CCDC180: variants seen among roughly 807,000 people sequenced by gnomAD.
CCDC180 encodes coiled-coil domain-containing protein 180.
CCDC180 carries 154 observed loss-of-function variants against 209.2 expected under a neutral mutation model. That is an observed-to-expected ratio of 0.74 (90% CI 0.65 to 0.84). CCDC180 has a LOEUF of 0.84. Ranked by LOEUF, CCDC180 falls within the 40% of genes least tolerant of loss-of-function variation. The probability of loss-of-function intolerance (pLI) is 0.00; values close to 1 mark genes in which losing one functional copy is unlikely to be tolerated. For synonymous variants in CCDC180, 778 were observed against 749.1 expected, an observed-to-expected ratio of 1.04 and a Z score of -0.63; for missense variants, 1,874 against 1,997.3, an observed-to-expected ratio of 0.94 and a Z score of 1.18.
intron 22 of CCDC180, among the ~76,000 whole-genome samples, chr9:97,351,908 T>A (rs1826431244): frequency 6.6e-6 from 1 of 151,688 alleles, no homozygotes; most frequent in South Asian, 2.1e-4. Context: ...AGGTCAGGAG[T>A]TCGAGAGTAG....
At chr9:97,315,492 C>T (rs1262601671) in intron 8 of CCDC180, among the ~76,000 whole-genome samples, 1 of 152,206 alleles carries the variant, frequency 6.6e-6, no homozygotes, top group African/African-American at 2.4e-5. Context: ...CCCCTCCCCA[C>T]AGCTGCTTTC....
At chr9:97,374,458 C>G (rs1827186159) in intron 34 of CCDC180, 85 bp from the exon 35 acceptor site, 3 of 1,065,610 alleles carry the variant, frequency 2.8e-6, no homozygotes, top group Non-Finnish European at 4.1e-6. Context: ...CCAGTCCTCC[C>G]TTTTCTAAGT....
rs752036247 is a variant in CCDC180, at chr9:97,307,759, C to A, written c.-129C>A. On this transcript the variant is annotated 5_prime_UTR_variant, in exon 1 of 37. Transcript: ENST00000529487. ...AGAGTCCCTTCGGATTTGCGCCATG[C>A]GCGGCGGGGAGAACCGGCCTCCTGC... is the stretch of plus-strand genomic sequence containing the variant. 1 of 1,614,160 alleles carries A rather than the reference C, an allele frequency of 6.2e-7. No individual in the cohort carries two copies. The highest frequency in any genetic ancestry group is 1.1e-5 in the South Asian group (1 of 91,080).
chr9:97,325,726 A>G (rs571850362), intron 14 of CCDC180, among the ~76,000 whole-genome samples: 1 of 152,234 alleles, frequency 6.6e-6, no homozygotes, highest in African/African-American at 2.4e-5. Flanking sequence ...GTGATGGCAC[A>G]TAGGTCCCTG....
Position 97,307,713 on chromosome 9 carries a change from T to C in CCDC180, c.-175T>C, listed in dbSNP as rs1156912925. On this transcript the variant is annotated 5_prime_UTR_variant, in exon 1 of 37. Transcript: ENST00000529487. ...TGGCAGAGTGAAGCACAAGCAATAA[T>C]CCTGTATTATTCGCGTTCCCAGAGT... The C allele has an allele frequency of 1.2e-6, 2 of 1,611,064 alleles. No homozygotes were observed. Among genetic ancestry groups the C allele is most frequent in the African/African-American group, 2.7e-5 (2 of 74,848 alleles).
chr9:97,355,092 G>A (rs1826539874), intron 24 of CCDC180, 84 bp downstream of exon 24: 1 of 860,976 alleles, frequency 1.2e-6, no homozygotes, highest in Non-Finnish European at 2.0e-6. Flanking sequence ...GGAGGCCATT[G>A]TGGTCTCTGT....
At chr9:97,332,908 G>C (rs971600433) in intron 18 of CCDC180, among the ~76,000 whole-genome samples, 3 of 152,132 alleles carry the variant, frequency 2.0e-5, no homozygotes, top group African/African-American at 7.2e-5. Context: ...AATACTAGTT[G>C]AATAGGAGTG....
At chr9:97,321,003 A>G (rs570235300) in intron 11 of CCDC180, among the ~76,000 whole-genome samples, 1 of 152,162 alleles carries the variant, frequency 6.6e-6, no homozygotes, top group Non-Finnish European at 1.5e-5. Context: ...GTGCCTGGAT[A>G]CGTGGTGTGA....
rs778250599 is a variant in CCDC180, at chr9:97,343,482, T to C, written c.2417T>C (p.Met806Thr). The C allele has an allele frequency of 8.1e-6, 13 of 1,614,092 alleles. No individual in the cohort carries two copies. The African/African-American group carries it at 1.1e-4, about 13-fold the overall frequency. The change falls in exon 19 of 37, where the codon ATG becomes ACG. Residue 806 changes from methionine (M) to threonine (T), a missense_variant. By Grantham distance (81) the Met-to-Thr change is moderately conservative (BLOSUM62 -1). Transcript: ENST00000529487. Reference sequence around the variant, plus strand: ...AAGTCCCATTCCACCTTCTCAGCCATGTTCATCAACGACACTTCCAGTGCC... The same window carrying C: ...AAGTCCCATTCCACCTTCTCAGCCACGTTCATCAACGACACTTCCAGTGCC... Reference protein sequence around the residue: ...CRKSHSTFSAMFINDTSSAKF... With the variant: ...CRKSHSTFSATFINDTSSAKF...
chr9:97,364,121 G>A lies in CCDC180; in HGVS notation c.3973G>A (p.Ala1325Thr). ...YRVLGDKPPP[A>T]AEDFKGIILT... is the part of the protein sequence containing the mutation. Reference sequence around the variant, plus strand: ...GGTGCTTGGGGACAAGCCTCCCCCTGCTGCCGAGTGAGTAACAACGCCTTT... The same window carrying A: ...GGTGCTTGGGGACAAGCCTCCCCCTACTGCCGAGTGAGTAACAACGCCTTT... Residue 1325 changes from alanine to threonine, a missense_variant, in exon 29 of 37, where the codon GCT becomes ACT. By Grantham distance (58) the Ala-to-Thr change is moderately conservative. Transcript: ENST00000529487. 1 of 1,614,082 alleles carries A rather than the reference G, an allele frequency of 6.2e-7. No homozygotes were observed. The highest frequency in any genetic ancestry group is 1.1e-5 in the South Asian group (1 of 91,068).
chr9:97,361,347 C>G (rs1439326151), intron 26 of CCDC180, among the ~76,000 whole-genome samples: 1 of 152,228 alleles, frequency 6.6e-6, no homozygotes, highest in African/African-American at 2.4e-5. Flanking sequence ...TTTCACAGCA[C>G]TGGTCCCAGT....
At position 97,374,616 on chromosome 9, in the gene CCDC180, G is replaced by A. The variant is rs765171023; in HGVS notation, c.4674G>A (p.Glu1558=). The change falls in exon 35 of 37, where the codon GAG becomes GAA. Residue 1558 remains glutamate (E), a synonymous_variant. Transcript: ENST00000529487. ...TCGCTGGGCTCTCCCTGAAGGAAGA[G>A]AGTGAGAAACCCCTGATTGAACGTG... is the stretch of plus-strand genomic sequence containing the variant. ...RKLAGLSLKE[E]SEKPLIERGS... 1 of 1,614,148 alleles carries A rather than the reference G, an allele frequency of 6.2e-7. No homozygotes were observed. Among genetic ancestry groups the A allele is most frequent in the Non-Finnish European group, 8.5e-7 (1 of 1,180,030 alleles).
At chr9:97,352,950 TATATATATATACAC>T (rs1587822304) in intron 22 of CCDC180, among the ~76,000 whole-genome samples, 1 of 139,424 alleles carries the variant, frequency 7.2e-6, no homozygotes, top group East Asian at 2.2e-4. Flanking sequence ...CGTATGTATA[TATATATATATACAC>T]ACACACATAT....
intron 30 of CCDC180, 74 bp downstream of exon 30, chr9:97,365,813 C>T (rs1015832952): frequency 6.0e-6 from 8 of 1,331,530 alleles, no homozygotes; most frequent in Admixed American, 1.7e-5. Flanking sequence ...TGATCATGGC[C>T]GCTTGGGGGA....
rs745920614 is a variant in CCDC180, at chr9:97,376,832, G to C, written c.4912G>C (p.Ala1638Pro). The change falls in exon 37 of 37, where the codon GCT becomes CCT. Residue 1638 changes from alanine (A) to proline (P), a missense_variant. By Grantham distance (27) the Ala-to-Pro change is conservative (BLOSUM62 -1). Transcript: ENST00000529487. Reference protein sequence around the residue: ...QDDCTSQIKEAQRWKDSWKQS... With the variant: ...QDDCTSQIKEPQRWKDSWKQS... ...TGACTGTACATCTCAGATAAAGGAG[G>C]CTCAGCGCTGGAAGGACAGCTGGAA... 6.2e-7 allele frequency: 1 copy of C among 1,613,408 alleles called. No individual in the cohort carries two copies.
intron 26 of CCDC180, 67 bp downstream of exon 26, chr9:97,360,168 C>T: frequency 5.7e-6 from 9 of 1,582,482 alleles, no homozygotes; most frequent in Non-Finnish European, 7.8e-6. Context: ...AGGAGACCTG[C>T]AGGGCTCAGT....
intron 10 of CCDC180, 60 bp downstream of exon 10, chr9:97,318,642 A>C (rs1396863830): frequency 9.4e-6 from 15 of 1,591,974 alleles, no homozygotes; most frequent in Non-Finnish European, 1.3e-5. Context: ...AGGGAGGCAG[A>C]AGTGGCCTGC....
At chr9:97,359,766 A>G (rs1826696143) in intron 25 of CCDC180, among the ~76,000 whole-genome samples, 1 of 152,084 alleles carries the variant, frequency 6.6e-6, no homozygotes, top group South Asian at 2.1e-4. Flanking sequence ...CCCATCAGTG[A>G]AGGGTGCGTT....
chr9:97,319,271 C>T (rs1432915390), intron 10 of CCDC180, among the ~76,000 whole-genome samples: 1 of 152,068 alleles, frequency 6.6e-6, no homozygotes, highest in African/African-American at 2.4e-5. Flanking sequence ...ACCTGCACAT[C>T]CTGCACATGT....
Sources: allele counts gnomAD v4.1 joint callset (sites outside exome capture counted in the v4.1 genomes callset), GRCh38; gene constraint gnomAD v4.1.1; transcripts MANE v1.5; gene names NCBI Gene and HGNC (gene_info 2026-07-23, HGNC 2026-07-21).